Variants in ANKFN1 observed in about 807,000 individuals in gnomAD.
ANKFN1 encodes the protein ankyrin repeat and fibronectin type III domain containing 1, also known as ankyrin repeat and fibronectin type-III domain-containing protein 1.
A neutral mutation model predicts 108.7 loss-of-function variants in ANKFN1; 74 were observed. The ratio of observed to expected loss-of-function variants is 0.68; its 90% CI spans 0.56 to 0.83. The LOEUF is 0.83. ANKFN1 is among the 40% of genes least tolerant of loss of function. The pLI, the probability that ANKFN1 is intolerant of heterozygous loss-of-function variation, is 0.00. For synonymous variants in ANKFN1, 547 were observed against 516.2 expected, an observed-to-expected ratio of 1.06 and a Z score of -0.81; for missense variants, 1,505 against 1,382.3, an observed-to-expected ratio of 1.09 and a Z score of -1.41.
At position 56,350,906 on chromosome 17, in the gene ANKFN1, C is replaced by A. The variant is rs745655072; in HGVS notation, c.329C>A (p.Ser110Tyr). The change falls in exon 5 of 21, where the codon TCC becomes TAC. Residue 110 changes from serine (S) to tyrosine (Y), a missense_variant. By Grantham distance (144) the Ser-to-Tyr change is moderately radical. Transcript: ENST00000682825. ...LSEKLKGSHS[S>Y]FDEAYFRTRT... The stretch of plus-strand genomic sequence containing the variant: ...GAGAAACTGAAAGGGAGCCACTCTT[C>A]CTTCGATGAGGCCTATTTTAGGACA... 1 of 1,613,814 alleles carries A rather than the reference C, an allele frequency of 6.2e-7. No homozygotes were observed.
At chr17:56,059,717 C>A (rs1220404784) in intron 4 of ANKFN1, among the ~76,000 whole-genome samples, 1 of 152,110 alleles carries the variant, frequency 6.6e-6, no homozygotes, top group Non-Finnish European at 1.5e-5. Context: ...TTGTTTTTGT[C>A]AGGTTTGTTG....
chr17:56,356,120 G>T (rs1274976081), intron 6 of ANKFN1, among the ~76,000 whole-genome samples: 1 of 152,090 alleles, frequency 6.6e-6, no homozygotes, highest in Non-Finnish European at 1.5e-5. Context: ...GAAGAAAGTT[G>T]CACTGGGGCT....
chr17:56,409,764 TA>T (rs751922963), intron 8 of ANKFN1, among the ~76,000 whole-genome samples: 1 of 152,156 alleles, frequency 6.6e-6, no homozygotes, highest in Non-Finnish European at 1.5e-5. Flanking sequence ...GTTAGTTTAA[TA>T]AGGGAAAAAC....
intron 11 of ANKFN1, among the ~76,000 whole-genome samples, chr17:56,452,446 T>C (rs2049521311): frequency 6.6e-6 from 1 of 152,196 alleles, no homozygotes; most frequent in Admixed American, 6.5e-5. Context: ...TCCCCAAACC[T>C]TTATCTCTCC....
intron 10 of ANKFN1, among the ~76,000 whole-genome samples, chr17:56,446,674 G>A (rs894421862): frequency 6.6e-6 from 1 of 152,186 alleles, no homozygotes; most frequent in African/African-American, 2.4e-5. Flanking sequence ...GGAGGCCAAG[G>A]CGGGTGGATC....
intron 1 of ANKFN1, among the ~76,000 whole-genome samples, chr17:56,166,656 G>T (rs964624330): frequency 6.6e-6 from 1 of 152,076 alleles, no homozygotes; most frequent in African/African-American, 2.4e-5. Flanking sequence ...AATGCTTTCA[G>T]TCACAGTTTT....
At chr17:56,071,181 C>T (rs1339660467) in intron 4 of ANKFN1, among the ~76,000 whole-genome samples, 1 of 152,168 alleles carries the variant, frequency 6.6e-6, no homozygotes, top group African/African-American at 2.4e-5. Flanking sequence ...ACAAAAGCCT[C>T]CCCCTCCACA....
In ANKFN1 at chr17:56,511,123, G is replaced by A. The variant is rs746078186; in HGVS notation, c.3295G>A (p.Val1099Met). The A allele has an allele frequency of 6.6e-5, 102 of 1,535,874 alleles. No individual in the cohort carries two copies. In the East Asian group the frequency reaches 2.0e-3, roughly 30 times the overall value. Residue 1099 changes from valine (V) to methionine (M), a missense_variant, in exon 21 of 21, where the codon GTG becomes ATG. Physicochemically the swap from Val to Met is conservative, Grantham distance 21. Coordinates refer to ENST00000682825, the MANE Select transcript of ANKFN1 (RefSeq NM_001370326.1). ...CTACGTGGAGCCCTACGCAGCGGCC[G>A]TGGTGGCCCAGGACGAAAAACCATG... is the stretch of plus-strand genomic sequence containing the variant. ...RLYVEPYAAA[V>M]VAQDEKPWAS...
intron 3 of ANKFN1, among the ~76,000 whole-genome samples, chr17:56,265,966 T>A (rs1269038171): frequency 6.6e-6 from 1 of 152,178 alleles, no homozygotes; most frequent in Non-Finnish European, 1.5e-5. Flanking sequence ...AAAGGGCATA[T>A]TATCTGATAG....
At chr17:56,104,911 A>G (rs575631259) in intron 4 of ANKFN1, among the ~76,000 whole-genome samples, 1 of 152,336 alleles carries the variant, frequency 6.6e-6, no homozygotes, top group South Asian at 2.1e-4. Context: ...TGCTTTGCAA[A>G]GCCTCCTTCA....
intron 3 of ANKFN1, among the ~76,000 whole-genome samples, chr17:56,262,530 T>A (rs375429878): frequency 1.3e-5 from 2 of 152,224 alleles, no homozygotes; most frequent in South Asian, 4.1e-4. Flanking sequence ...AAGTTACCCA[T>A]TTCAAGTCAA....
At chr17:56,208,328 A>G (rs1450224951) in intron 1 of ANKFN1, among the ~76,000 whole-genome samples, 1 of 152,162 alleles carries the variant, frequency 6.6e-6, no homozygotes, top group African/African-American at 2.4e-5. Context: ...GCCGTTAGAC[A>G]AGGTTTCTCA....
rs1226255775 is a variant in ANKFN1, at chr17:56,511,319, A to G, written c.*50A>G. 1 of 1,455,604 alleles carries G rather than the reference A, an allele frequency of 6.9e-7. No homozygotes were observed. The highest frequency in any genetic ancestry group is 9.1e-7 in the Non-Finnish European group (1 of 1,098,028). 90.2% of individuals were successfully genotyped at this position (1,455,604 alleles called of 1,614,324 possible). On this transcript the variant is annotated 3_prime_UTR_variant, in exon 21 of 21. Transcript: ENST00000682825. ...CCTCCATGGCTGCTACCTGCGTTTT[A>G]CATCACCCTTACCCCCATCCTGCCC...
At chr17:56,102,987 A>G (rs911881410) in intron 4 of ANKFN1, among the ~76,000 whole-genome samples, 2 of 152,248 alleles carry the variant, frequency 1.3e-5, no homozygotes, top group Admixed American at 6.5e-5. Flanking sequence ...TAAATATTAC[A>G]TAAATAGTAT....
chr17:56,189,874 G>A (rs1222164961), intron 1 of ANKFN1, among the ~76,000 whole-genome samples: 1 of 151,890 alleles, frequency 6.6e-6, no homozygotes, highest in Admixed American at 6.6e-5. Flanking sequence ...ACAAAATAGA[G>A]AGCACGGAAG....
chr17:56,471,039 TC>T (rs2050299751), intron 15 of ANKFN1: 1 of 152,210 alleles, frequency 6.6e-6, no homozygotes, highest in Admixed American at 6.5e-5. Flanking sequence ...TATTCAACTT[TC>T]CAACACTTTG....
chr17:56,301,400 C>A (rs1433410727), intron 3 of ANKFN1, among the ~76,000 whole-genome samples: 1 of 152,230 alleles, frequency 6.6e-6, no homozygotes, highest in Non-Finnish European at 1.5e-5. Context: ...AACTAATCAA[C>A]CATAATGGCT....
At chr17:56,064,623 A>C (rs1460558743) in intron 4 of ANKFN1, among the ~76,000 whole-genome samples, 2 of 152,204 alleles carry the variant, frequency 1.3e-5, no homozygotes, top group African/African-American at 4.8e-5. Context: ...ATAGCAATAG[A>C]TGCCACCTTT....
chr17:56,140,095 C>G (rs894550597), intron 4 of ANKFN1, among the ~76,000 whole-genome samples: 2 of 152,244 alleles, frequency 1.3e-5, no homozygotes, highest in Non-Finnish European at 2.9e-5. Context: ...CTGCAATCAT[C>G]TCGAACTCAA....
Sources: allele counts gnomAD v4.1 joint callset (sites outside exome capture counted in the v4.1 genomes callset), GRCh38; gene constraint gnomAD v4.1.1; transcripts MANE v1.5; gene names NCBI Gene and HGNC (gene_info 2026-07-23, HGNC 2026-07-21).